The following ARID3C variants were observed in gnomAD, a reference collection of about 807,000 sequenced individuals.
The protein encoded by ARID3C is AT-rich interactive domain-containing protein 3C.
ARID3C carries 42 observed loss-of-function variants against 37.9 expected under a neutral mutation model. The observed-to-expected ratio is 1.11, with a 90% CI of 0.87 to 1.43. The LOEUF (loss-of-function observed/expected upper bound fraction) is 1.43, where lower values mean the gene tolerates loss of function less well. ARID3C is among the 40% of genes most tolerant of loss of function. The pLI, the probability that ARID3C is intolerant of heterozygous loss-of-function variation, is 0.00. For missense variants in ARID3C, 581 were observed against 548.8 expected (o/e 1.06, Z -0.59); for synonymous variants, 213 against 228.0 (o/e 0.93, Z 0.59).
upstream of ARID3C, among the ~76,000 whole-genome samples, chr9:34,629,492 G>C (rs1345442761): frequency 6.6e-6 from 1 of 152,244 alleles, no homozygotes; most frequent in Non-Finnish European, 1.5e-5. Context: ...TGGGGTGTGC[G>C]TGGAGGGTCT....
At chr9:34,622,865 C>T (rs1345682788) in intron 4 of ARID3C, among the ~76,000 whole-genome samples, 1 of 152,090 alleles carries the variant, frequency 6.6e-6, no homozygotes, top group East Asian at 1.9e-4. Context: ...GGACCTTTTC[C>T]TGGCCGGGCG....
chr9:34,631,679 G>T (rs1019397905), upstream of ARID3C, among the ~76,000 whole-genome samples: 1 of 152,156 alleles, frequency 6.6e-6, no homozygotes, highest in Non-Finnish European at 1.5e-5. Context: ...GGGGGCATTA[G>T]TTACCTATTG....
At chr9:34,622,593 C>G in intron 4 of ARID3C, 64 bp from the exon 6 acceptor site, 1 of 1,493,524 alleles carries the variant, frequency 6.7e-7, no homozygotes, top group South Asian at 1.4e-5. Flanking sequence ...GGTTCTCCCC[C>G]AGGCCTGGGA....
intron 5 of ARID3C, 93 bp from the exon 7 acceptor site, chr9:34,622,202 C>G: frequency 1.3e-6 from 2 of 1,578,678 alleles, no homozygotes; most frequent in Non-Finnish European, 8.7e-7. Flanking sequence ...TAGACAGCCC[C>G]CATTCCACTT....
intron 4 of ARID3C, 119 bp downstream of exon 5, chr9:34,623,306 A>G: frequency 8.0e-7 from 1 of 1,245,488 alleles, no homozygotes. Context: ...GTCAGACCTT[A>G]CTGCTCCCAT....
intron 4 of ARID3C, among the ~76,000 whole-genome samples, chr9:34,623,147 C>CAAAAAAAAAAAAAAAAAA (rs1334414839): frequency 5.5e-5 from 4 of 72,434 alleles, no homozygotes; most frequent in East Asian, 4.3e-4. Context: ...CTCCGTCTCA[C>CAAAAAAAAAAAAAAAAAA]AAAAAAAAAA....
exon 4 of ARID3C, chr9:34,623,684 G>A: frequency 6.4e-7 from 1 of 1,571,880 alleles, no homozygotes; most frequent in Non-Finnish European, 8.6e-7. Context: ...CTCGAGTCTC[G>A]CACTCGTACG....
chr9:34,625,907 G>A, intron 1 of ARID3C, 93 bp from the exon 3 acceptor site: 1 of 1,385,620 alleles, frequency 7.2e-7, no homozygotes, highest in Non-Finnish European at 1.0e-6. Context: ...AGGGTCCCTA[G>A]CTGAAGGAGT....
At chr9:34,626,581 C>A (rs986144008) in intron 1 of ARID3C, among the ~76,000 whole-genome samples, 1 of 152,124 alleles carries the variant, frequency 6.6e-6, no homozygotes, top group Admixed American at 6.5e-5. Context: ...GAGTAACAGT[C>A]CTTGAGTAAC....
At chr9:34,621,397 G>T in exon 7 of ARID3C, 1 of 1,180,980 alleles carries the variant, frequency 8.5e-7, no homozygotes, top group Non-Finnish European at 1.2e-6. Context: ...AAGAATCAAA[G>T]CAGGGGGTCT....
intron 5 of ARID3C, 88 bp downstream of exon 6, chr9:34,622,259 T>C: frequency 6.4e-7 from 1 of 1,569,056 alleles, no homozygotes; most frequent in Non-Finnish European, 8.7e-7. Flanking sequence ...GGAATCTGTC[T>C]GCCCCGTCTC....
chr9:34,628,731 A>G (rs1820692476), upstream of ARID3C, among the ~76,000 whole-genome samples: 1 of 152,034 alleles, frequency 6.6e-6, no homozygotes, highest in Admixed American at 6.5e-5. The surrounding 1 kb of genome is among the most constrained non-coding windows in gnomAD (Gnocchi z 5.2). Flanking sequence ...TTAAATAGAG[A>G]GGGACCGACA....
chr9:34,624,066 C>CAG lies in ARID3C; in HGVS notation c.392-20_392-19insCT. 1 of 1,565,448 alleles carries CAG rather than the reference C, an allele frequency of 6.4e-7. No individual in the cohort carries two copies. The highest frequency in any genetic ancestry group is 8.6e-7 in the Non-Finnish European group (1 of 1,157,674). Reference sequence around the variant, plus strand: ...GGCGTCCCTGGTGGGGAGCGGGCTGCCGTCAGGACACTGAGACGAAGACCC... The same window carrying CAG: ...GGCGTCCCTGGTGGGGAGCGGGCTGCAGCGTCAGGACACTGAGACGAAGACCC... On this transcript the variant is annotated intron_variant, in intron 2 of 6. Transcript: ENST00000378909.
At chr9:34,632,843 ACAGC>A (rs1386359733), upstream of ARID3C, among the ~76,000 whole-genome samples, 1 of 152,142 alleles carries the variant, frequency 6.6e-6, no homozygotes, top group African/African-American at 2.4e-5. Flanking sequence ...TACCTATTAG[ACAGC>A]CAAGTGGAGA....
upstream of ARID3C, among the ~76,000 whole-genome samples, chr9:34,630,934 G>A (rs1241490276): frequency 6.6e-6 from 1 of 152,164 alleles, no homozygotes; most frequent in Non-Finnish European, 1.5e-5. Flanking sequence ...TGTTTGGTGT[G>A]AGTATCCTGG....
At chr9:34,621,174 A>T (rs1471469698), downstream of ARID3C, among the ~76,000 whole-genome samples, 2 of 152,212 alleles carry the variant, frequency 1.3e-5, no homozygotes, top group African/African-American at 4.8e-5. Flanking sequence ...GTAGGGTCCT[A>T]GAGATGACAT....
At chr9:34,622,823 G>T (rs11999909) in intron 4 of ARID3C, among the ~76,000 whole-genome samples, 10,946 of 152,168 alleles carry the variant, frequency 0.072, 1,342 homozygotes, top group African/African-American at 0.25. Context: ...GCACTGGGTG[G>T]ACATGTGTGG....
intron 2 of ARID3C, among the ~76,000 whole-genome samples, chr9:34,625,118 C>T (rs1820637176): frequency 6.6e-6 from 1 of 152,114 alleles, no homozygotes; most frequent in South Asian, 2.1e-4. Context: ...TATCAGGCTG[C>T]GCTCTGAGTG....
upstream of ARID3C, among the ~76,000 whole-genome samples, chr9:34,628,890 C>T (rs1476017426): frequency 1.3e-5 from 2 of 152,110 alleles, no homozygotes; most frequent in Non-Finnish European, 2.9e-5. The surrounding 1 kb of genome is among the most constrained non-coding windows in gnomAD (Gnocchi z 5.2). Context: ...GGCTCCCTCG[C>T]TCCGGGCGCC....
Sources: gnomAD v4.1 joint callset for allele counts (sites outside exome capture counted in the v4.1 genomes callset) on GRCh38, gnomAD v4.1.1 for gene constraint, Gnocchi (gnomAD v3.1) non-coding constraint, MANE v1.5 for transcripts, NCBI Gene and HGNC (gene_info 2026-07-23, HGNC 2026-07-21) for gene names.